ZFYVE28: variants seen among roughly 807,000 people sequenced by gnomAD.
ZFYVE28 encodes the protein zinc finger FYVE-type containing 28.
ZFYVE28 carries 40 observed loss-of-function variants against 82.1 expected under a neutral mutation model. The observed-to-expected ratio is 0.49, with a 90% CI of 0.38 to 0.63. ZFYVE28 has a LOEUF of 0.63. Ranked by LOEUF, ZFYVE28 falls within the 30% of genes least tolerant of loss-of-function variation. ZFYVE28 has a pLI of 0.00. For synonymous variants in ZFYVE28, 612 were observed against 546.1 expected, an observed-to-expected ratio of 1.12 and a Z score of -1.68; for missense variants, 1,321 against 1,242.1, an observed-to-expected ratio of 1.06 and a Z score of -0.96.
intron 6 of ZFYVE28, among the ~76,000 whole-genome samples, chr4:2,334,083 G>A (rs1015449927): frequency 7.9e-5 from 12 of 152,178 alleles, no homozygotes; most frequent in African/African-American, 2.9e-4. Flanking sequence ...CTAACGGCAG[G>A]AGGATTTCCG....
intron 2 of ZFYVE28, among the ~76,000 whole-genome samples, chr4:2,352,342 G>A (rs1325551277): frequency 6.6e-6 from 1 of 152,038 alleles, no homozygotes; most frequent in East Asian, 1.9e-4. Context: ...GGGTGGACAG[G>A]AAGAGGCCAA....
At chr4:2,390,221 C>G (rs1030262684) in intron 1 of ZFYVE28, among the ~76,000 whole-genome samples, 2 of 152,226 alleles carry the variant, frequency 1.3e-5, no homozygotes, top group Non-Finnish European at 2.9e-5. Flanking sequence ...TGGCCGGCAG[C>G]TACCAGAGGC....
chr4:2,393,989 G>A (rs1730117276), intron 1 of ZFYVE28, among the ~76,000 whole-genome samples: 1 of 152,182 alleles, frequency 6.6e-6, no homozygotes, highest in African/African-American at 2.4e-5. Context: ...GTGCCTTCTG[G>A]AGGCTCCAGG....
At position 2,372,515 on chromosome 4, in the gene ZFYVE28, T is replaced by C. The variant is rs1483637699; in HGVS notation, c.40-18442A>G. On this transcript the variant is annotated intron_variant, in intron 1 of 12. Coordinates refer to ENST00000290974, the MANE Select transcript of ZFYVE28 (RefSeq NM_020972.3). The surrounding 1 kb of genome is among the most constrained non-coding windows in gnomAD (Gnocchi z 5.2). ...GGACGTCACCATCATCGAGGCCTCC[T>C]AGCCCCTCCAGCACGGCACCATGCC... Among the ~76,000 whole-genome samples, 1 of 151,980 alleles carries C rather than the reference T, an allele frequency of 6.6e-6. No individual in the cohort carries two copies. The highest frequency in any genetic ancestry group is 2.4e-5 in the African/African-American group (1 of 41,412).
intron 8 of ZFYVE28, among the ~76,000 whole-genome samples, chr4:2,283,469 A>G (rs1326378652): frequency 7.8e-6 from 1 of 127,592 alleles, no homozygotes; most frequent in Admixed American, 8.5e-5. Flanking sequence ...CCACCCATCC[A>G]TCCACCCATC....
intron 1 of ZFYVE28, among the ~76,000 whole-genome samples, chr4:2,410,115 A>T (rs1732359519): frequency 6.6e-6 from 1 of 152,172 alleles, no homozygotes; most frequent in African/African-American, 2.4e-5. Context: ...TTGAGGTGAA[A>T]TCCACACAAC....
In ZFYVE28 at chr4:2,408,546, G is replaced by C. The variant is rs1463024662; in HGVS notation, c.39+9739C>G. Among the ~76,000 whole-genome samples the C allele has an allele frequency of 6.6e-6, 1 of 152,204 alleles. No homozygotes were observed. Among genetic ancestry groups the C allele is most frequent in the Admixed American group, 6.5e-5 (1 of 15,282 alleles). Reference sequence around the variant, plus strand: ...ACCAAAGGCCGCAGATGGTTCAGCTGGCTGACCCTTCCCAACTGAAGCTCC... The same window carrying C: ...ACCAAAGGCCGCAGATGGTTCAGCTCGCTGACCCTTCCCAACTGAAGCTCC... On this transcript the variant is annotated intron_variant, in intron 1 of 12. Coordinates refer to ENST00000290974, the MANE Select transcript of ZFYVE28 (RefSeq NM_020972.3). This position sits in a 1 kb window ranked among gnomAD's most constrained non-coding sequence, Gnocchi z 4.3.
chr4:2,354,096 C>A, intron 1 of ZFYVE28, 23 bp from the exon 2 acceptor site: 2 of 1,494,010 alleles, frequency 1.3e-6, no homozygotes, highest in South Asian at 1.4e-5. Context: ...GGGGCCAGGG[C>A]CATGAGTGGG....
At position 2,320,364 on chromosome 4, in the gene ZFYVE28, C is replaced by T. The variant is rs549886804; in HGVS notation, c.702-93G>A. On this transcript the variant is annotated intron_variant, in intron 6 of 12. Transcript: ENST00000290974. The surrounding 1 kb of genome is among the most constrained non-coding windows in gnomAD (Gnocchi z 5.1). ...CTTAACCACCTGCGAAAACCACGCCCGCTGGGACTCTGCAGCGCCACTGTC... is the reference window on the plus strand; with the variant it reads ...CTTAACCACCTGCGAAAACCACGCCTGCTGGGACTCTGCAGCGCCACTGTC... The T allele has an allele frequency of 9.5e-5, 103 of 1,080,564 alleles. No homozygotes were observed. The South Asian group carries it at 1.0e-3, about 11-fold the overall frequency. The allele number at this position is 1,080,564 out of a possible 1,614,324, so 66.9% of individuals were successfully genotyped here.
At position 2,409,654 on chromosome 4, in the gene ZFYVE28, C is replaced by T. The variant is rs1235999368; in HGVS notation, c.39+8631G>A. Among the ~76,000 whole-genome samples the T allele has an allele frequency of 3.3e-5, 5 of 152,258 alleles. No individual in the cohort carries two copies. The highest frequency in any genetic ancestry group is 9.6e-5 in the African/African-American group (4 of 41,476). ...GAGATTCCCACTGAGCAGCCCATGC[C>T]GGCGCTGTGAGAAGGCTGAGTCCAG... On this transcript the variant is annotated intron_variant, in intron 1 of 12. Transcript: ENST00000290974. This position sits in a 1 kb window ranked among gnomAD's most constrained non-coding sequence, Gnocchi z 4.4.
rs1553830775 is a variant in ZFYVE28, at chr4:2,308,683, G to GAAAGAGAAAGAAAGAAAAGA, written c.804-3148_804-3147insTCTTTTCTTTCTTTCTCTTT. Among the ~76,000 whole-genome samples the GAAAGAGAAAGAAAGAAAAGA allele has an allele frequency of 3.6e-3, 296 of 81,414 alleles. 3 individuals are homozygous for GAAAGAGAAAGAAAGAAAAGA. The highest frequency in any genetic ancestry group is 0.01 in the African/African-American group (211 of 20,114). The allele number at this position is 81,414 out of a possible 152,430, so 53.4% of individuals were successfully genotyped here. ...AAAGAAAGAAAGAAAGAAAGAGAAA[G>GAAAGAGAAAGAAAGAAAAGA]AAAGAAAAGAAAAGAAAAGAAAAAA... On this transcript the variant is annotated intron_variant, in intron 7 of 12. Coordinates refer to ENST00000290974, the MANE Select transcript of ZFYVE28 (RefSeq NM_020972.3).
rs549395638 is a variant in ZFYVE28 at position 2,364,765 on chromosome 4, G to A, written c.40-10692C>T. 1.5e-4 allele frequency: 149 copies of A among 985,530 alleles called. 1 individual carries two copies. In the Admixed American group the frequency reaches 9.0e-3, roughly 60 times the overall value. 61.0% of individuals were successfully genotyped at this position (985,530 alleles called of 1,614,324 possible). ...CATAACGTTGTGCATTCCCGCCGCC[G>A]CGCCCTCGTCAAGGCGCCCACGGCC... On this transcript the variant is annotated intron_variant, in intron 1 of 12. Transcript: ENST00000290974.
Position 2,408,172 on chromosome 4 carries a change from G to A in ZFYVE28, c.39+10113C>T, listed in dbSNP as rs1732124201. Among the ~76,000 whole-genome samples the A allele has an allele frequency of 6.6e-6, 1 of 152,116 alleles. No homozygotes were observed. Among genetic ancestry groups the A allele is most frequent in the Non-Finnish European group, 1.5e-5 (1 of 68,008 alleles). On this transcript the variant is annotated intron_variant, in intron 1 of 12. Coordinates refer to ENST00000290974, the MANE Select transcript of ZFYVE28 (RefSeq NM_020972.3). This position sits in a 1 kb window ranked among gnomAD's most constrained non-coding sequence, Gnocchi z 4.3. ...ACCCTTGCTCCAACCTGCCCTCACT[G>A]GACAGCAATGCTTCACCCAGTCCTG...
chr4:2,399,747 G>A (rs1034951865), intron 1 of ZFYVE28, among the ~76,000 whole-genome samples: 1 of 152,258 alleles, frequency 6.6e-6, no homozygotes, highest in Non-Finnish European at 1.5e-5. Context: ...CAGAGCGGAA[G>A]AAACAGTGCA....
In ZFYVE28 at chr4:2,332,214, CT is replaced by C. The variant is rs1315281227; in HGVS notation, c.701+3490del. ...GCCTCCCCTCTGCTCTCAGTGTTCC[CT>C]GGGGGTCACCTGGGGGGTCCCAGGA... is the stretch of plus-strand genomic sequence containing the variant. On this transcript the variant is annotated intron_variant, in intron 6 of 12. Transcript: ENST00000290974. This position sits in a 1 kb window ranked among gnomAD's most constrained non-coding sequence, Gnocchi z 4.7. Among the ~76,000 whole-genome samples the C allele has an allele frequency of 6.6e-6, 1 of 152,122 alleles. No homozygotes were observed. The highest frequency in any genetic ancestry group is 1.5e-5 in the Non-Finnish European group (1 of 67,992).
Position 2,270,524 on chromosome 4 carries a change from T to A in ZFYVE28, c.*201A>T. ...CCCCTGCTGGGCAAAGCTGACCTCT[T>A]GTTGGCCCCTGCAGCCGGCCCGGGG... On this transcript the variant is annotated 3_prime_UTR_variant, in exon 13 of 13. Coordinates refer to ENST00000290974, the MANE Select transcript of ZFYVE28 (RefSeq NM_020972.3). 1.4e-6 allele frequency: 1 copy of A among 720,642 alleles called. No homozygotes were observed. Among genetic ancestry groups the A allele is most frequent in the Non-Finnish European group, 2.2e-6 (1 of 450,192 alleles). 44.6% of individuals were successfully genotyped at this position (720,642 alleles called of 1,614,324 possible). A position where few individuals can be genotyped will look rare whatever the true frequency, so the allele number is the denominator to read the frequency against.
intron 5 of ZFYVE28, among the ~76,000 whole-genome samples, chr4:2,336,445 T>C (rs975367048): frequency 2.6e-5 from 4 of 152,156 alleles, no homozygotes; most frequent in Admixed American, 6.5e-5. Flanking sequence ...CCAAACACCA[T>C]AGTACCACTT....
chr4:2,351,303 T>C (rs1335813852), intron 2 of ZFYVE28, among the ~76,000 whole-genome samples: 1 of 151,654 alleles, frequency 6.6e-6, no homozygotes, highest in Admixed American at 6.6e-5. Flanking sequence ...TGTGTGAGAG[T>C]AGAGAGTAGA....
intron 8 of ZFYVE28, among the ~76,000 whole-genome samples, chr4:2,279,024 T>A (rs1383000131): frequency 8.6e-5 from 13 of 151,188 alleles, no homozygotes; most frequent in Admixed American, 8.6e-4. Context: ...CTCTTCCTTA[T>A]GGAAAAATAA....
Sources: allele counts gnomAD v4.1 joint callset (sites outside exome capture counted in the v4.1 genomes callset), GRCh38; gene constraint gnomAD v4.1.1; non-coding constraint Gnocchi (gnomAD v3.1); transcripts MANE v1.5; gene names NCBI Gene and HGNC (gene_info 2026-07-23, HGNC 2026-07-21).